Variants in DNAH5 observed in about 807,000 individuals in gnomAD.
DNAH5 encodes the protein dynein axonemal heavy chain 5, also known as axonemal beta dynein heavy chain 5.
A neutral mutation model predicts 518.2 loss-of-function variants in DNAH5; 372 were observed. That is an observed-to-expected ratio of 0.72 (90% CI 0.66 to 0.78). The LOEUF (loss-of-function observed/expected upper bound fraction) is 0.78. DNAH5 is among the 30% of genes least tolerant of loss of function. The pLI, the probability that DNAH5 is intolerant of heterozygous loss-of-function variation, is 0.00. For missense variants in DNAH5, 5,523 were observed against 5,687.0 expected (o/e 0.97, Z 0.93); for synonymous variants, 2,039 against 2,025.9 (o/e 1.01, Z -0.17).
chr5:13,842,446 A>AGAAAGAAAGAAAGAAG (rs1765363935), intron 32 of DNAH5, among the ~76,000 whole-genome samples: 2 of 113,824 alleles, frequency 1.8e-5, no homozygotes, highest in African/African-American at 3.8e-5. Context: ...AAAGAAAGAA[A>AGAAAGAAAGAAAGAAG]GAAAGAAAGA....
intron 52 of DNAH5, among the ~76,000 whole-genome samples, chr5:13,785,855 CAA>C (rs1755906089): frequency 6.6e-6 from 1 of 152,114 alleles, no homozygotes; most frequent in African/African-American, 2.4e-5. Context: ...TTGCATGATA[CAA>C]AAAGATGTAG....
intron 1 of DNAH5, among the ~76,000 whole-genome samples, chr5:13,938,974 G>T (rs1779216171): frequency 6.6e-6 from 1 of 152,166 alleles, no homozygotes; most frequent in Non-Finnish European, 1.5e-5. Flanking sequence ...TAAAATATGT[G>T]TTTCTTTTCT....
Position 13,751,169 on chromosome 5 carries a change from AT to A in DNAH5, c.11119del (p.Ile3707Ter). On this transcript the variant is annotated frameshift_variant, in exon 65 of 79. Coordinates refer to ENST00000265104, the MANE Select transcript of DNAH5 (RefSeq NM_001369.3). LOFTEE classifies it high-confidence loss of function. ...GTCAATGATGGAGGTACGGGCACTTATCTCAGGGGTGTAGGCTGGGTTAGGC... is the reference window on the plus strand; with the variant it reads ...GTCAATGATGGAGGTACGGGCACTTACTCAGGGGTGTAGGCTGGGTTAGGC... Reference protein sequence around the residue: ...KLPNPAYTPEISARTSIIDFT... With the variant: ...KLPNPAYTPEXSARTSIIDFT... 1 of 1,614,016 alleles carries A rather than the reference AT, an allele frequency of 6.2e-7. No homozygotes were observed. Among genetic ancestry groups the A allele is most frequent in the Non-Finnish European group, 8.5e-7 (1 of 1,179,926 alleles).
At chr5:13,999,330 C>T (rs1310530297) in intron 1 of DNAH5, among the ~76,000 whole-genome samples, 2 of 152,216 alleles carry the variant, frequency 1.3e-5, no homozygotes, top group Admixed American at 1.3e-4. Flanking sequence ...TTAACTGAAA[C>T]TGCATGCCTC....
rs1236064425 is a variant in DNAH5, at chr5:13,769,603, T to C, written c.9618A>G (p.Gly3206=). The C allele has an allele frequency of 6.2e-7, 1 of 1,613,842 alleles. No individual in the cohort carries two copies. Among genetic ancestry groups the C allele is most frequent in the South Asian group, 1.1e-5 (1 of 91,088 alleles). The change falls in exon 57 of 79, where the codon GGA becomes GGG. Residue 3206 remains glycine, a synonymous_variant. Transcript: ENST00000265104. ...CTGAAGCTTCTTTGAGCTTTTCCAA[T>C]CCAGTATTCATTCTGGGATTGAAAA... is the stretch of plus-strand genomic sequence containing the variant. The part of the protein sequence containing the change: ...VRTLANRMNT[G]LEKLKEASES...
chr5:13,907,608 A>C (rs538874421), intron 12 of DNAH5, among the ~76,000 whole-genome samples: 1 of 152,204 alleles, frequency 6.6e-6, no homozygotes, highest in Non-Finnish European at 1.5e-5. Flanking sequence ...GTTTTCCAAA[A>C]TGGTCTTTAT....
chr5:13,775,133 G>GTTTTTT (rs34258148), intron 55 of DNAH5, among the ~76,000 whole-genome samples: 1 of 110,866 alleles, frequency 9.0e-6, no homozygotes, highest in Non-Finnish European at 1.9e-5. Flanking sequence ...ACTCCTTTTT[G>GTTTTTT]TTTTTTTTTT....
In DNAH5 at chr5:13,845,844, T is replaced by C. The variant is rs573133716; in HGVS notation, c.5115-851A>G. Among the ~76,000 whole-genome samples the C allele has an allele frequency of 6.0e-3, 894 of 149,682 alleles. 1 individual carries two copies. Among genetic ancestry groups the C allele is most frequent in the Non-Finnish European group, 8.3e-3 (555 of 67,190 alleles). ...AGCCTTTTTTGACCTTTTTTTTTTT[T>C]TTTTTAGACAGAGTCTCAGTCTATC... On this transcript the variant is annotated intron_variant, in intron 31 of 78. Transcript: ENST00000265104.
At chr5:13,945,080 G>C (rs10066164), upstream of DNAH5, among the ~76,000 whole-genome samples, 3 of 152,306 alleles carry the variant, frequency 2.0e-5, no homozygotes, top group South Asian at 6.2e-4. Flanking sequence ...CAAGAAGTCT[G>C]TTTCATATGC....
At chr5:13,975,819 G>A (rs1782198893) in intron 1 of DNAH5, among the ~76,000 whole-genome samples, 1 of 152,074 alleles carries the variant, frequency 6.6e-6, no homozygotes, top group Admixed American at 6.5e-5. Flanking sequence ...CTTGCATTTA[G>A]GGTTCCATAT....
At chr5:13,873,690 G>A (rs547000736) in intron 22 of DNAH5, among the ~76,000 whole-genome samples, 170 of 151,226 alleles carry the variant, frequency 1.1e-3, no homozygotes, top group African/African-American at 3.8e-3. Context: ...TTGTAGAGAC[G>A]AGATCTCACT....
intron 55 of DNAH5, among the ~76,000 whole-genome samples, chr5:13,775,048 T>C (rs1753874436): frequency 6.6e-6 from 1 of 152,056 alleles, no homozygotes; most frequent in Non-Finnish European, 1.5e-5. Context: ...AGTTTTAAAA[T>C]CTTTTTTTTA....
chr5:13,892,302 A>C (rs1773358271), intron 16 of DNAH5, among the ~76,000 whole-genome samples: 1 of 152,224 alleles, frequency 6.6e-6, no homozygotes, highest in Non-Finnish European at 1.5e-5. Flanking sequence ...AATAGTCCCC[A>C]AGGATGTCCA....
Position 13,735,739 on chromosome 5 carries a change from G to A in DNAH5, c.11570+79C>T, listed in dbSNP as rs866081848. On this transcript the variant is annotated intron_variant, in intron 67 of 78. Transcript: ENST00000265104. ...GAAAAAGACTCTTACTAACAAAGGAGAAGGAAGTTATAAATGTAATGTCAT... is the reference window on the plus strand; with the variant it reads ...GAAAAAGACTCTTACTAACAAAGGAAAAGGAAGTTATAAATGTAATGTCAT... The A allele has an allele frequency of 7.3e-5, 79 of 1,087,756 alleles. 1 individual carries two copies. In the Middle Eastern group the frequency reaches 5.8e-3, roughly 80 times the overall value. 67.4% of individuals were successfully genotyped at this position (1,087,756 alleles called of 1,614,324 possible).
intron 54 of DNAH5, 110 bp downstream of exon 54, chr5:13,777,092 C>T (rs1754202775): frequency 7.7e-6 from 8 of 1,039,434 alleles, no homozygotes; most frequent in South Asian, 2.8e-5. Context: ...TCACTTAATA[C>T]CCATCCCCAA....
At chr5:13,756,170 T>A (rs910005467) in intron 61 of DNAH5, among the ~76,000 whole-genome samples, 3 of 152,098 alleles carry the variant, frequency 2.0e-5, no homozygotes, top group Admixed American at 6.5e-5. Context: ...CAGGACACAC[T>A]CTCCTTCAAT....
intron 3 of DNAH5, among the ~76,000 whole-genome samples, chr5:13,926,326 A>C (rs1013193094): frequency 2.0e-5 from 3 of 152,204 alleles, no homozygotes; most frequent in African/African-American, 7.2e-5. Flanking sequence ...GTAAGAGTGC[A>C]AGGTCAGCAG....
chr5:13,933,532 C>A (rs1560963845), intron 1 of DNAH5, among the ~76,000 whole-genome samples: 1 of 152,126 alleles, frequency 6.6e-6, no homozygotes, highest in African/African-American at 2.4e-5. Flanking sequence ...TGGCTCATGC[C>A]TGTAATCCCA....
chr5:13,915,808 T>A (rs1181577888), intron 9 of DNAH5, among the ~76,000 whole-genome samples: 1 of 152,180 alleles, frequency 6.6e-6, no homozygotes, highest in African/African-American at 2.4e-5. Flanking sequence ...GTGCTTACCA[T>A]AAACACTTAC....
Sources: allele counts gnomAD v4.1 joint callset (sites outside exome capture counted in the v4.1 genomes callset), GRCh38; gene constraint gnomAD v4.1.1; transcripts MANE v1.5; gene names NCBI Gene and HGNC (gene_info 2026-07-23, HGNC 2026-07-21).